The following ZZEF1 variants were observed in gnomAD, a reference collection of about 807,000 sequenced individuals.
ZZEF1 encodes zinc finger ZZ-type and EF-hand domain-containing protein 1.
ZZEF1 carries 157 observed loss-of-function variants against 342.8 expected under a neutral mutation model. That is an observed-to-expected ratio of 0.46 (90% CI 0.40 to 0.52). The LOEUF is 0.52. Among genes scored for constraint, ZZEF1 ranks in the 20% least tolerant of loss-of-function variants. The pLI is 0.00. For missense variants in ZZEF1, 3,480 were observed against 3,725.6 expected (o/e 0.93, Z 1.72); for synonymous variants, 1,505 against 1,429.1 (o/e 1.05, Z -1.20).
chr17:4,138,546 C>G (rs1407654360), intron 1 of ZZEF1, among the ~76,000 whole-genome samples: 1 of 152,162 alleles, frequency 6.6e-6, no homozygotes, highest in Non-Finnish European at 1.5e-5. Flanking sequence ...AGCACCTGGG[C>G]ACTGGCAACC....
Position 4,052,005 on chromosome 17 carries a change from A to G in ZZEF1, c.5566T>C (p.Tyr1856His). ...TATTTCTTCGCTGCATAGCATCCGT[A>G]GCAAAGATCAAAGTCATCGCAAACA... ...CNVCDDFDLCYGCYAAKKYSY... is the reference protein window; with the variant it reads ...CNVCDDFDLCHGCYAAKKYSY... The change falls in exon 35 of 55, where the codon TAC (tyrosine) becomes CAC (histidine). Residue 1856 changes from tyrosine to histidine, a missense_variant. Tyr to His is a moderately conservative substitution (Grantham distance 83). This residue lies in a region of ZZEF1 where 175 missense variants were observed against 254.6 expected (regional missense o/e 0.69). Coordinates refer to ENST00000381638, the MANE Select transcript of ZZEF1 (RefSeq NM_015113.4). The G allele has an allele frequency of 6.2e-7, 1 of 1,614,204 alleles. No homozygotes were observed. Among genetic ancestry groups the G allele is most frequent in the Non-Finnish European group, 8.5e-7 (1 of 1,180,032 alleles).
rs1022327174 is a variant in ZZEF1, at chr17:4,008,972, G to A, written c.8734-18C>T. 6.5e-7 allele frequency: 1 copy of A among 1,538,810 alleles called. No homozygotes were observed. The highest frequency in any genetic ancestry group is 8.7e-7 in the Non-Finnish European group (1 of 1,146,768). The stretch of plus-strand genomic sequence containing the variant: ...CCAAGCTCCTGCAGAGAGAGAGCAG[G>A]GGCTGTGAGTGACAGCGCCAGATGC... On this transcript the variant is annotated intron_variant, in intron 53 of 54. Coordinates refer to ENST00000381638, the MANE Select transcript of ZZEF1 (RefSeq NM_015113.4). This position sits in a 1 kb window ranked among gnomAD's most constrained non-coding sequence, Gnocchi z 4.2.
At chr17:4,077,784 G>A (rs2057650533) in intron 19 of ZZEF1, 99 bp downstream of exon 19, 2 of 1,254,796 alleles carry the variant, frequency 1.6e-6, no homozygotes, top group Non-Finnish European at 2.2e-6. Context: ...AATGAAGAAA[G>A]CCATATGCAC....
intron 7 of ZZEF1, 82 bp from the exon 8 acceptor site, chr17:4,104,893 C>G: frequency 8.3e-7 from 1 of 1,203,790 alleles, no homozygotes; most frequent in Non-Finnish European, 1.2e-6. Context: ...AAGTGATCAA[C>G]ACAAGTAACA....
intron 2 of ZZEF1, among the ~76,000 whole-genome samples, chr17:4,121,941 T>A (rs2058490055): frequency 6.6e-6 from 1 of 152,116 alleles, no homozygotes; most frequent in African/African-American, 2.4e-5. Flanking sequence ...TGGTCTCAAC[T>A]CGTGGCCTCA....
intron 33 of ZZEF1, 72 bp downstream of exon 33, chr17:4,056,144 C>A (rs2057154925): frequency 2.2e-6 from 3 of 1,383,032 alleles, no homozygotes; most frequent in East Asian, 2.7e-5. Context: ...CCTGCCAGAA[C>A]CCCCCCAGGC....
intron 34 of ZZEF1, among the ~76,000 whole-genome samples, chr17:4,053,516 T>A (rs887607094): frequency 5.3e-5 from 8 of 152,194 alleles, no homozygotes; most frequent in African/African-American, 1.9e-4. Flanking sequence ...CCTTTATAAC[T>A]CAGCACACAC....
At chr17:4,027,594 C>CCT (rs773673659) in intron 42 of ZZEF1, among the ~76,000 whole-genome samples, 2 of 119,732 alleles carry the variant, frequency 1.7e-5, no homozygotes, top group Non-Finnish European at 3.3e-5. Flanking sequence ...TGTGCCCTGC[C>CCT]TTTTTTTTTT....
intron 1 of ZZEF1, among the ~76,000 whole-genome samples, chr17:4,135,996 C>CTTT (rs59632245): frequency 5.2e-4 from 65 of 125,510 alleles, no homozygotes; most frequent in Non-Finnish European, 8.2e-4. Flanking sequence ...GATATTTTCT[C>CTTT]TTTTTTTTTT....
At chr17:4,084,559 T>C (rs2057784242) in intron 16 of ZZEF1, among the ~76,000 whole-genome samples, 1 of 152,224 alleles carries the variant, frequency 6.6e-6, no homozygotes, top group Non-Finnish European at 1.5e-5. Context: ...CAGGAACCTG[T>C]GAAGTTCCTC....
intron 5 of ZZEF1, among the ~76,000 whole-genome samples, chr17:4,111,286 T>C (rs931679005): frequency 2.1e-4 from 32 of 152,046 alleles, no homozygotes; most frequent in Non-Finnish European, 1.0e-4. Flanking sequence ...AAGGCAATCA[T>C]AGTAACAATC....
chr17:4,094,755 C>T (rs2058004035), intron 11 of ZZEF1, among the ~76,000 whole-genome samples: 1 of 152,206 alleles, frequency 6.6e-6, no homozygotes, highest in Admixed American at 6.5e-5. Flanking sequence ...TTCAGTCAAT[C>T]ACCAGGTCCT....
At chr17:4,054,259 A>C (rs2057109993) in intron 33 of ZZEF1, 64 bp from the exon 34 acceptor site, 1 of 1,541,696 alleles carries the variant, frequency 6.5e-7, no homozygotes, top group Non-Finnish European at 8.8e-7. Flanking sequence ...TTCACTAATC[A>C]ATTCCTCCAT....
Position 4,014,231 on chromosome 17 carries a change from CAG to C in ZZEF1, c.8315-45_8315-44del. 6.2e-7 allele frequency: 1 copy of C among 1,611,744 alleles called. No homozygotes were observed. Among genetic ancestry groups the C allele is most frequent in the Non-Finnish European group, 8.5e-7 (1 of 1,177,830 alleles). ...AGAGGCCCATCAGGAACTGAAGCAA[CAG>C]GGAATGGCAGCAGTGGTGTTGGGTT... On this transcript the variant is annotated intron_variant, in intron 50 of 54. Transcript: ENST00000381638. The surrounding 1 kb of genome is among the most constrained non-coding windows in gnomAD (Gnocchi z 4.4).
Position 4,072,710 on chromosome 17 carries a change from GA to G in ZZEF1, c.3731del (p.Val1244AlafsTer2). 6.2e-7 allele frequency: 1 copy of G among 1,613,852 alleles called. No individual in the cohort carries two copies. The highest frequency in any genetic ancestry group is 8.5e-7 in the Non-Finnish European group (1 of 1,179,842). Reference protein sequence around the residue: ...MVVPQAKMALVLSSPLWKPVF... With the variant: ...MVVPQAKMALXLSSPLWKPVF... The stretch of plus-strand genomic sequence containing the variant: ...CAGGTTTCCACAGTGGGGAGCTTAG[GA>G]CTAATGCCATTTTTGCCTGAGGTAC... On this transcript the variant is annotated frameshift_variant, in exon 25 of 55. Transcript: ENST00000381638. LOFTEE classifies it high-confidence loss of function.
At position 4,009,507 on chromosome 17, in the gene ZZEF1, C is replaced by G. The variant is rs777236362; in HGVS notation, c.8733+97G>C. On this transcript the variant is annotated intron_variant, in intron 53 of 54. Transcript: ENST00000381638. ...GTGTGGCCTGTCGAGACCCTGGCCA[C>G]TCAGGCTCGGATGAGGCAGCAGCTT... is the stretch of plus-strand genomic sequence containing the variant. The G allele has an allele frequency of 2.6e-6, 4 of 1,565,162 alleles. No individual in the cohort carries two copies. The South Asian group carries it at 4.5e-5, about 17-fold the overall frequency.
intron 30 of ZZEF1, among the ~76,000 whole-genome samples, chr17:4,060,209 A>C (rs1411416323): frequency 5.3e-5 from 8 of 152,214 alleles, no homozygotes; most frequent in Non-Finnish European, 1.2e-4. Flanking sequence ...TAATGATCAA[A>C]TAAGCCCTCA....
chr17:4,011,551 T>TGTGTG (rs1382696417), intron 52 of ZZEF1, among the ~76,000 whole-genome samples: 1 of 152,016 alleles, frequency 6.6e-6, no homozygotes, highest in Admixed American at 6.5e-5. Flanking sequence ...GGGGTTTTTT[T>TGTGTG]TTTGTGTGTG....
rs892092255 is a variant in ZZEF1, at chr17:4,005,289, G to C, written c.*1601C>G. 3.3e-5 allele frequency: 5 copies of C among 152,590 alleles called. No homozygotes were observed. Among genetic ancestry groups the C allele is most frequent in the African/African-American group, 1.2e-4 (5 of 41,446 alleles). The allele number at this position is 152,590 out of a possible 1,614,324, so 9.5% of individuals were successfully genotyped here. A position where few individuals can be genotyped will look rare whatever the true frequency, so the allele number is the denominator to read the frequency against. ...AGGTTTGGCAAAGAGCAAAAGATGGGAAAAGGGTTTCTACGGAGCCAGCAG... is the reference window on the plus strand; with the variant it reads ...AGGTTTGGCAAAGAGCAAAAGATGGCAAAAGGGTTTCTACGGAGCCAGCAG... On this transcript the variant is annotated 3_prime_UTR_variant, in exon 55 of 55. Coordinates refer to ENST00000381638, the MANE Select transcript of ZZEF1 (RefSeq NM_015113.4).
Sources: allele counts gnomAD v4.1 joint callset (sites outside exome capture counted in the v4.1 genomes callset), GRCh38; gene constraint gnomAD v4.1.1; regional missense constraint gnomAD v4.1.1; non-coding constraint Gnocchi (gnomAD v3.1); transcripts MANE v1.5; gene names NCBI Gene and HGNC (gene_info 2026-07-23, HGNC 2026-07-21).